Variants in CRADD observed in about 807,000 individuals in gnomAD.
CRADD encodes CARD and death domain containing adaptor protein.
CRADD carries 9 observed loss-of-function variants against 15.5 expected under a neutral mutation model. The ratio of observed to expected loss-of-function variants is 0.58; its 90% CI spans 0.35 to 1.01. The LOEUF is 1.01. Ranked by LOEUF, CRADD falls within the 50% of genes least tolerant of loss-of-function variation. The probability of loss-of-function intolerance (pLI) is 0.02; values close to 1 mark genes in which losing one functional copy is unlikely to be tolerated. For synonymous variants in CRADD, 118 were observed against 107.6 expected, an observed-to-expected ratio of 1.10 and a Z score of -0.60; for missense variants, 227 against 250.3, an observed-to-expected ratio of 0.91 and a Z score of 0.63.
chr12:93,859,630 A>C (rs1376927300), intron 2 of CRADD, among the ~76,000 whole-genome samples: 3 of 152,118 alleles, frequency 2.0e-5, no homozygotes, highest in African/African-American at 7.2e-5. Context: ...GGAAGGATGA[A>C]GGTGGGTCTT....
intron 2 of CRADD, among the ~76,000 whole-genome samples, chr12:93,795,033 C>T (rs931009164): frequency 2.1e-4 from 32 of 152,138 alleles, no homozygotes; most frequent in Admixed American, 1.8e-3. Context: ...CCCCAGGCCA[C>T]ACTCTATCTC....
intron 2 of CRADD, among the ~76,000 whole-genome samples, chr12:93,828,156 T>G (rs576952261): frequency 1.3e-5 from 2 of 152,316 alleles, no homozygotes; most frequent in African/African-American, 4.8e-5. Flanking sequence ...TTTAAAAAAT[T>G]GGGTTATTTT....
intron 2 of CRADD, among the ~76,000 whole-genome samples, chr12:93,834,718 C>T (rs2137033312): frequency 6.6e-6 from 1 of 152,314 alleles, no homozygotes; most frequent in Non-Finnish European, 1.5e-5. Context: ...AAGCTGCCCA[C>T]CTCAGGTGAT....
At position 93,863,471 on chromosome 12, in the gene CRADD, G is replaced by T. The variant is rs553249817; in HGVS notation, c.299-30579G>T. On this transcript the variant is annotated intron_variant, in intron 2 of 2. Coordinates refer to the CRADD transcript ENST00000548483. Reference sequence around the variant, plus strand: ...CTTCAAAAATACCCGAACGTAGCTTGTTTGTTTTTCCAGTGGGGCATCTGA... The same window carrying T: ...CTTCAAAAATACCCGAACGTAGCTTTTTTGTTTTTCCAGTGGGGCATCTGA... Among the ~76,000 whole-genome samples, 5 of 152,172 alleles carry T rather than the reference G, an allele frequency of 3.3e-5. No homozygotes were observed. The East Asian group carries it at 5.8e-4, about 18-fold the overall frequency.
In CRADD at chr12:93,850,285, A is replaced by G; in HGVS notation, c.*14A>G. The G allele has an allele frequency of 6.3e-7, 1 of 1,583,128 alleles. No homozygotes were observed. Among genetic ancestry groups the G allele is most frequent in the East Asian group, 2.3e-5 (1 of 44,346 alleles). The stretch of plus-strand genomic sequence containing the variant: ...ATGTTGGAGTGATGGTGCCTCCAGC[A>G]ACCGCTGGGGAGTGTGTCCCTGAGT... On this transcript the variant is annotated 3_prime_UTR_variant, in exon 3 of 3. Transcript: ENST00000332896. The surrounding 1 kb of genome is among the most constrained non-coding windows in gnomAD (Gnocchi z 4.0).
chr12:93,825,216 T>C (rs1376457937), intron 2 of CRADD, among the ~76,000 whole-genome samples: 1 of 152,190 alleles, frequency 6.6e-6, no homozygotes, highest in Admixed American at 6.5e-5. Flanking sequence ...TGCCCAGTAA[T>C]CCTCTTTCTC....
chr12:93,850,242 C>G lies in CRADD; in HGVS notation c.571C>G (p.Pro191Ala). ...CGGGCTGCGGGCTGTGGAGGTGGACCCCTCGCTGCTCCTGCACATGTTGGA... is the reference window on the plus strand; with the variant it reads ...CGGGCTGCGGGCTGTGGAGGTGGACGCCTCGCTGCTCCTGCACATGTTGGA... ...HNGLRAVEVD[P>A]SLLLHMLE Residue 191 changes from proline (P) to alanine (A), a missense_variant, in exon 3 of 3, where the codon CCC becomes GCC. Pro to Ala is a conservative substitution (Grantham distance 27). Transcript: ENST00000332896. The surrounding 1 kb of genome is among the most constrained non-coding windows in gnomAD (Gnocchi z 4.0). 3 of 1,606,122 alleles carry G rather than the reference C, an allele frequency of 1.9e-6. No individual in the cohort carries two copies. The highest frequency in any genetic ancestry group is 2.6e-6 in the Non-Finnish European group (3 of 1,175,948).
intron 2 of CRADD, among the ~76,000 whole-genome samples, chr12:93,776,126 TTTAA>T (rs768888028): frequency 3.3e-5 from 5 of 152,234 alleles, no homozygotes; most frequent in African/African-American, 9.6e-5. Context: ...ATTTGATATC[TTTAA>T]TTAATATATG....
chr12:93,868,400 T>C (rs1958388970), intron 2 of CRADD, among the ~76,000 whole-genome samples: 1 of 152,124 alleles, frequency 6.6e-6, no homozygotes, highest in Non-Finnish European at 1.5e-5. Context: ...AACCTATAAC[T>C]CCATTTATAA....
intron 2 of CRADD, among the ~76,000 whole-genome samples, chr12:93,841,149 T>C (rs926397850): frequency 6.6e-6 from 1 of 152,220 alleles, no homozygotes; most frequent in African/African-American, 2.4e-5. Context: ...GATTTTATGA[T>C]GTTGAAATTT....
intron 2 of CRADD, among the ~76,000 whole-genome samples, chr12:93,680,600 A>G (rs1017580794): frequency 6.6e-6 from 1 of 152,190 alleles, no homozygotes; most frequent in Non-Finnish European, 1.5e-5. Flanking sequence ...CACTGCTTGG[A>G]TTGTCCTTAC....
chr12:93,793,295 A>G (rs541847182), intron 2 of CRADD, among the ~76,000 whole-genome samples: 11 of 152,252 alleles, frequency 7.2e-5, no homozygotes, highest in Non-Finnish European at 1.6e-4. Flanking sequence ...TAAATAACTT[A>G]CTTAATAAGC....
At chr12:93,801,097 A>G (rs1957472275) in intron 2 of CRADD, among the ~76,000 whole-genome samples, 3 of 152,230 alleles carry the variant, frequency 2.0e-5, no homozygotes, top group Non-Finnish European at 2.9e-5. Flanking sequence ...ACTTTCAACC[A>G]TACCACATCA....
chr12:93,734,077 C>A (rs1351421811), intron 2 of CRADD, among the ~76,000 whole-genome samples: 2 of 151,916 alleles, frequency 1.3e-5, no homozygotes, highest in Non-Finnish European at 2.9e-5. Flanking sequence ...CCCTTCCTTT[C>A]TTTTTTTCCC....
intron 2 of CRADD, among the ~76,000 whole-genome samples, chr12:93,812,736 T>G (rs1407489020): frequency 6.6e-6 from 1 of 152,226 alleles, no homozygotes; most frequent in African/African-American, 2.4e-5. Context: ...GCAAAGTTAG[T>G]AATAGTTTGT....
intron 2 of CRADD, among the ~76,000 whole-genome samples, chr12:93,860,891 C>A (rs572530329): frequency 6.6e-6 from 1 of 152,290 alleles, no homozygotes; most frequent in African/African-American, 2.4e-5. Flanking sequence ...TCTGCTTTAA[C>A]CAAATATTTT....
intron 2 of CRADD, among the ~76,000 whole-genome samples, chr12:93,814,113 C>G (rs1957663487): frequency 6.6e-6 from 1 of 152,190 alleles, no homozygotes; most frequent in Non-Finnish European, 1.5e-5. Flanking sequence ...ACAATGCCAG[C>G]CATAAAGTAC....
chr12:93,721,471 A>T (rs1956262754), intron 2 of CRADD, among the ~76,000 whole-genome samples: 1 of 152,170 alleles, frequency 6.6e-6, no homozygotes, highest in Admixed American at 6.5e-5. Flanking sequence ...ATATATATAT[A>T]CACACACAGC....
In CRADD at chr12:93,890,805, C is replaced by T. The variant is rs1343166021; in HGVS notation, c.299-3245C>T. ...ACAGAGTCTCCCTCTGTCACCCAGGCTAGAGTGCAGTGGCACTATTTGGCT... is the reference window on the plus strand; with the variant it reads ...ACAGAGTCTCCCTCTGTCACCCAGGTTAGAGTGCAGTGGCACTATTTGGCT... On this transcript the variant is annotated intron_variant, in intron 2 of 2. Coordinates refer to the CRADD transcript ENST00000548483. Among the ~76,000 whole-genome samples, 3 of 150,400 alleles carry T rather than the reference C, an allele frequency of 2.0e-5. No individual in the cohort carries two copies. The East Asian group carries it at 5.9e-4, about 30-fold the overall frequency.
Sources: gnomAD v4.1 joint callset for allele counts (sites outside exome capture counted in the v4.1 genomes callset) on GRCh38, gnomAD v4.1.1 for gene constraint, Gnocchi (gnomAD v3.1) non-coding constraint, MANE v1.5 for transcripts, NCBI Gene and HGNC (gene_info 2026-07-23, HGNC 2026-07-21) for gene names.